CDK6: variants seen among roughly 807,000 people sequenced by gnomAD.
CDK6 encodes cyclin dependent kinase 6.
CDK6 carries 6 observed loss-of-function variants against 37.1 expected under a neutral mutation model. The observed-to-expected ratio is 0.16, with a 90% CI of 0.09 to 0.32. The LOEUF (loss-of-function observed/expected upper bound fraction) is 0.32, where lower values mean the gene tolerates loss of function less well. CDK6 is among the 10% of genes least tolerant of loss of function. CDK6 has a pLI of 1.00. For missense variants in CDK6, 224 were observed against 418.9 expected (o/e 0.53, Z 4.06); for synonymous variants, 160 against 161.3 (o/e 0.99, Z 0.06).
chr7:92,817,694 A>G (rs1801065620), intron 2 of CDK6, among the ~76,000 whole-genome samples: 1 of 151,780 alleles, frequency 6.6e-6, no homozygotes, highest in Non-Finnish European at 1.5e-5. Context: ...ATATATATAT[A>G]GGGGGGAAAG....
At chr7:92,782,841 G>A (rs1016948886) in intron 2 of CDK6, among the ~76,000 whole-genome samples, 5 of 152,176 alleles carry the variant, frequency 3.3e-5, no homozygotes, top group Non-Finnish European at 7.3e-5. Context: ...ATTTTGAAAT[G>A]ATTAAATGAC....
At chr7:92,642,454 T>C (rs963741536) in intron 5 of CDK6, among the ~76,000 whole-genome samples, 3 of 152,188 alleles carry the variant, frequency 2.0e-5, no homozygotes, top group African/African-American at 7.2e-5. Flanking sequence ...AGGTTCTGTC[T>C]AGAATCCCAG....
At chr7:92,767,620 TTCCAC>T (rs953238676) in intron 3 of CDK6, among the ~76,000 whole-genome samples, 2 of 152,138 alleles carry the variant, frequency 1.3e-5, no homozygotes, top group African/African-American at 4.8e-5. Context: ...ATCTCTCCTA[TTCCAC>T]TCAGTGGTCA....
intron 3 of CDK6, among the ~76,000 whole-genome samples, chr7:92,763,208 T>A (rs1799501111): frequency 6.6e-6 from 1 of 152,236 alleles, no homozygotes; most frequent in Admixed American, 6.5e-5. Context: ...AGATTCTGAG[T>A]ACTCATGGCT....
intron 3 of CDK6, among the ~76,000 whole-genome samples, chr7:92,733,364 C>A (rs1424245979): frequency 6.6e-6 from 1 of 152,208 alleles, no homozygotes; most frequent in Non-Finnish European, 1.5e-5. Context: ...CTGCAGGACT[C>A]CAACATCACT....
chr7:92,749,231 T>C (rs1478515059), intron 3 of CDK6, among the ~76,000 whole-genome samples: 1 of 151,132 alleles, frequency 6.6e-6, no homozygotes, highest in African/African-American at 2.4e-5. Flanking sequence ...TCCCAGCACT[T>C]TGGGAGGCTG....
chr7:92,811,386 A>T (rs889107504), intron 2 of CDK6, among the ~76,000 whole-genome samples: 5 of 152,110 alleles, frequency 3.3e-5, no homozygotes, highest in African/African-American at 1.2e-4. Context: ...CGTGGCTGAA[A>T]ATATTTACGC....
chr7:92,783,604 G>T (rs979160491), intron 2 of CDK6, among the ~76,000 whole-genome samples: 1 of 152,104 alleles, frequency 6.6e-6, no homozygotes, highest in Non-Finnish European at 1.5e-5. Flanking sequence ...TATAGACCTG[G>T]CACTGTGGCT....
At chr7:92,675,072 G>T (rs1443733248) in intron 4 of CDK6, among the ~76,000 whole-genome samples, 1 of 152,162 alleles carries the variant, frequency 6.6e-6, no homozygotes, top group African/African-American at 2.4e-5. Context: ...GGCCTCAGGT[G>T]ATCTGCCCAC....
chr7:92,721,964 T>C (rs188811365), intron 4 of CDK6, among the ~76,000 whole-genome samples: 4 of 152,338 alleles, frequency 2.6e-5, no homozygotes, highest in East Asian at 3.9e-4. Flanking sequence ...TTGTCTTGAA[T>C]ACTGGCATAG....
At chr7:92,800,467 T>C (rs776249469) in intron 2 of CDK6, among the ~76,000 whole-genome samples, 2 of 152,196 alleles carry the variant, frequency 1.3e-5, no homozygotes, top group Non-Finnish European at 2.9e-5. Flanking sequence ...TGGCCTAGAA[T>C]TGTGTCTGTA....
intron 2 of CDK6, among the ~76,000 whole-genome samples, chr7:92,807,695 A>C (rs1011562612): frequency 1.3e-5 from 2 of 152,070 alleles, no homozygotes; most frequent in Non-Finnish European, 2.9e-5. Context: ...TAAAAAGTGA[A>C]ATTTTATACC....
intron 5 of CDK6, among the ~76,000 whole-genome samples, chr7:92,644,709 A>G (rs369725879): frequency 2.2e-4 from 33 of 152,330 alleles, no homozygotes; most frequent in African/African-American, 7.7e-4. Context: ...TACTTTAATT[A>G]TTGGAGCAGG....
rs1795523054 is a variant in CDK6 at position 92,609,832 on chromosome 7, T to C, written c.*5308A>G. ...AAAAATTTTTTCTTGACTGAATGAA[T>C]GACTAGGCTTTCTTTACTTAAATGA... On this transcript the variant is annotated 3_prime_UTR_variant, in exon 8 of 8. Transcript: ENST00000424848. 4 of 230,388 alleles carry C rather than the reference T, an allele frequency of 1.7e-5. No individual in the cohort carries two copies. The East Asian group carries it at 1.9e-4, about 11-fold the overall frequency. The allele number at this position is 230,388 out of a possible 1,614,324, so 14.3% of individuals were successfully genotyped here.
intron 5 of CDK6, among the ~76,000 whole-genome samples, chr7:92,652,278 A>G (rs1796593436): frequency 6.6e-6 from 1 of 152,206 alleles, no homozygotes; most frequent in Non-Finnish European, 1.5e-5. Context: ...ATTCTCCTAA[A>G]GTGTCAATTT....
At chr7:92,636,942 G>T (rs1796187305) in intron 5 of CDK6, among the ~76,000 whole-genome samples, 1 of 152,160 alleles carries the variant, frequency 6.6e-6, no homozygotes, top group South Asian at 2.1e-4. Flanking sequence ...TGGGATTTAG[G>T]TGTGTGAACC....
intron 5 of CDK6, 124 bp downstream of exon 5, chr7:92,671,302 C>T (rs1196539991): frequency 3.7e-6 from 2 of 538,010 alleles, no homozygotes. Context: ...AAGTGGTAGC[C>T]TGGGGTAGAT....
rs148891019 is a variant in CDK6 at position 92,751,037 on chromosome 7, G to A, written c.369+23659C>T. On this transcript the variant is annotated intron_variant, in intron 3 of 7. Transcript: ENST00000424848. ...AAAAGTTATGACTTGGGAGGTCTTC[G>A]TATTTTTTTACAAAGGAAATAGACA... Among the ~76,000 whole-genome samples the A allele has an allele frequency of 6.0e-3, 911 of 152,110 alleles. 10 individuals carry two copies. Among genetic ancestry groups the A allele is most frequent in the African/African-American group, 0.021 (869 of 41,490 alleles).
intron 4 of CDK6, among the ~76,000 whole-genome samples, chr7:92,712,505 A>T (rs1355940144): frequency 6.6e-6 from 1 of 152,238 alleles, no homozygotes; most frequent in Non-Finnish European, 1.5e-5. Context: ...GCTGATGGAA[A>T]ATACAAATTG....
Sources: allele counts gnomAD v4.1 joint callset (sites outside exome capture counted in the v4.1 genomes callset), GRCh38; gene constraint gnomAD v4.1.1; transcripts MANE v1.5; gene names NCBI Gene and HGNC (gene_info 2026-07-23, HGNC 2026-07-21).